RPL3L: variants seen among roughly 807,000 people sequenced by gnomAD.
RPL3L encodes the protein ribosomal protein L3 like.
RPL3L carries 44 observed loss-of-function variants against 44.5 expected under a neutral mutation model. That is an observed-to-expected ratio of 0.99 (90% CI 0.78 to 1.27). RPL3L has a LOEUF of 1.27. Ranked by LOEUF, RPL3L falls within the 50% of genes most tolerant of loss-of-function variation. The pLI, the probability that RPL3L is intolerant of heterozygous loss-of-function variation, is 0.00. For missense variants in RPL3L, 631 were observed against 569.1 expected, an observed-to-expected ratio of 1.11 and a Z score of -1.11; for synonymous variants, 292 against 230.7, an observed-to-expected ratio of 1.27 and a Z score of -2.41.
intron 3 of RPL3L, 62 bp downstream of exon 3, chr16:1,952,812 C>T (rs1346511364): frequency 2.5e-6 from 4 of 1,590,042 alleles, no homozygotes; most frequent in Non-Finnish European, 3.4e-6. Context: ...GCTAGAGCCT[C>T]AGGCACCCAA....
At chr16:1,954,567 T>G in intron 1 of RPL3L, 62 bp downstream of exon 1, 2 of 1,506,142 alleles carry the variant, frequency 1.3e-6, no homozygotes, top group Non-Finnish European at 1.8e-6. Context: ...GAAGCCCAGC[T>G]GTCCCACCCC....
At position 1,954,098 on chromosome 16, in the gene RPL3L, G is replaced by C. The variant is rs750540098; in HGVS notation, c.54C>G (p.Pro18=). 2.5e-6 allele frequency: 4 copies of C among 1,602,704 alleles called. No individual in the cohort carries two copies. In the South Asian group the frequency reaches 3.4e-5, roughly 13 times the overall value. The change falls in exon 2 of 10, where the codon CCC becomes CCG. Residue 18 remains proline, a synonymous_variant. Transcript: ENST00000268661. The part of the protein sequence containing the change: ...APRHGHLGFL[P]HKRSHRHRGK... ...CCCGGTGCCGGTGGCTCCTCTTATG[G>C]GGCAGGAAGCCCAGGTGTCCGTGCC... is the stretch of plus-strand genomic sequence containing the variant.
At chr16:1,952,483 C>T (rs2083177277) in intron 3 of RPL3L, among the ~76,000 whole-genome samples, 1 of 152,152 alleles carries the variant, frequency 6.6e-6, no homozygotes, top group African/African-American at 2.4e-5. Flanking sequence ...TCAAGTGATT[C>T]TCCCACCTCA....
chr16:1,949,009 C>CTTTTTTTTTTTTT (rs34900670), intron 4 of RPL3L, among the ~76,000 whole-genome samples: 70 of 124,626 alleles, frequency 5.6e-4, no homozygotes, highest in African/African-American at 1.9e-3. Flanking sequence ...CCGCGCCTGG[C>CTTTTTTTTTTTTT]TTTTTTTTTT....
At chr16:1,953,829 T>TC (rs1157592981) in intron 2 of RPL3L, 127 bp downstream of exon 2, 49 of 1,017,994 alleles carry the variant, frequency 4.8e-5, no homozygotes, top group Admixed American at 7.8e-5. Context: ...CCACCCCAAT[T>TC]CCCGGGGGCG....
chr16:1,953,387 T>C (rs940023873), intron 2 of RPL3L, among the ~76,000 whole-genome samples: 18 of 152,088 alleles, frequency 1.2e-4, no homozygotes, highest in African/African-American at 3.6e-4. Context: ...GCCCAGCTAA[T>C]TTTTGTATTT....
At chr16:1,949,959 AGGGGCAGGTATGGAC>A (rs2083159434) in intron 4 of RPL3L, among the ~76,000 whole-genome samples, 3 of 21,624 alleles carry the variant, frequency 1.4e-4, no homozygotes, top group Non-Finnish European at 2.5e-4. Flanking sequence ...CAGGTATGTA[AGGGGCAGGTATGGAC>A]GGGGCAGGTA....
chr16:1,952,664 G>GCA (rs2083178129), intron 3 of RPL3L, among the ~76,000 whole-genome samples: 2 of 152,026 alleles, frequency 1.3e-5, no homozygotes, highest in African/African-American at 4.8e-5. Context: ...GCGTGAGCCA[G>GCA]CACGCCCAGC....
chr16:1,953,997 C>T lies in RPL3L; in HGVS notation c.155G>A (p.Gly52Asp). Residue 52 changes from glycine to aspartate, a missense_variant, in exon 2 of 10, where the codon GGC becomes GAC. Gly to Asp is a moderately conservative substitution (Grantham distance 94). Coordinates refer to ENST00000268661, the MANE Select transcript of RPL3L (RefSeq NM_005061.3). The part of the protein sequence containing the change: ...HLTAFLGYKA[G>D]MTHTLREVHR... Reference sequence around the variant, plus strand: ...CACCTCCCGCAGGGTGTGGGTCATGCCCGCCTTGTAGCCCAGGAAGGCCGT... The same window carrying T: ...CACCTCCCGCAGGGTGTGGGTCATGTCCGCCTTGTAGCCCAGGAAGGCCGT... 1 of 1,596,670 alleles carries T rather than the reference C, an allele frequency of 6.3e-7. No individual in the cohort carries two copies. Among genetic ancestry groups the T allele is most frequent in the Non-Finnish European group, 8.5e-7 (1 of 1,170,128 alleles).
intron 2 of RPL3L, 75 bp from the exon 3 acceptor site, chr16:1,953,117 A>C (rs2083183406): frequency 6.7e-7 from 1 of 1,486,294 alleles, no homozygotes; most frequent in African/African-American, 1.4e-5. Context: ...AGAGCCGCCC[A>C]CATAGGGGCA....
chr16:1,954,467 C>A (rs1413606430), intron 1 of RPL3L, among the ~76,000 whole-genome samples, 162 bp downstream of exon 1: 2 of 151,990 alleles, frequency 1.3e-5, no homozygotes, highest in Non-Finnish European at 2.9e-5. Context: ...CCCTCCCAGG[C>A]CCAGGAGCCC....
rs1231504719 is a variant in RPL3L, at chr16:1,953,954, AC to A, written c.196+1del. 2 of 1,517,300 alleles carry A rather than the reference AC, an allele frequency of 1.3e-6. No homozygotes were observed. The allele number at this position is 1,517,300 out of a possible 1,614,324, so 94.0% of individuals were successfully genotyped here. On this transcript the variant is annotated splice_donor_variant, in intron 2 of 9. Transcript: ENST00000268661. LOFTEE classifies it high-confidence loss of function. Reference sequence around the variant, plus strand: ...CCCCCAAGGGTCCCAACTGTGACTCACTGAGCCCCGGCCGGTGCACCTCCCG... The same window carrying A: ...CCCCCAAGGGTCCCAACTGTGACTCATGAGCCCCGGCCGGTGCACCTCCCG...
chr16:1,945,196 A>T (rs567302829), intron 9 of RPL3L, among the ~76,000 whole-genome samples: 2 of 152,124 alleles, frequency 1.3e-5, no homozygotes, highest in East Asian at 1.9e-4. Flanking sequence ...CCTACTAAAA[A>T]TACAGAAAAT....
At position 1,952,966 on chromosome 16, in the gene RPL3L, G is replaced by C; in HGVS notation, c.273C>G (p.Gly91=). The stretch of plus-strand genomic sequence containing the variant: ...GGAGACCTCGAGGGGTGGCCACGTA[G>C]CCCACCACGCCCACCACCACTAGGG... ...TPPLVVVGVV[G]YVATPRGLRS... is the part of the protein sequence containing the mutation. The change falls in exon 3 of 10, where the codon GGC becomes GGG. Residue 91 remains glycine, a synonymous_variant. Coordinates refer to ENST00000268661, the MANE Select transcript of RPL3L (RefSeq NM_005061.3). The C allele has an allele frequency of 1.2e-6, 2 of 1,613,088 alleles. No individual in the cohort carries two copies. Among genetic ancestry groups the C allele is most frequent in the South Asian group, 1.1e-5 (1 of 91,000 alleles).
Position 1,954,140 on chromosome 16 carries a change from C to G in RPL3L, c.12G>C (p.Arg4=). The G allele has an allele frequency of 6.3e-7, 1 of 1,582,228 alleles. No homozygotes were observed. The highest frequency in any genetic ancestry group is 1.2e-5 in the South Asian group (1 of 86,470). Residue 4 remains arginine, a synonymous_variant, in exon 2 of 10, where the codon CGG becomes CGC. Coordinates refer to ENST00000268661, the MANE Select transcript of RPL3L (RefSeq NM_005061.3). The part of the protein sequence containing the change: MSH[R]KFSAPRHGHL... ...GTCCGTGCCGAGGGGCGGAAAACTTCCGGTGGGACTGGGGGGCAGGAAGGA... is the reference window on the plus strand; with the variant it reads ...GTCCGTGCCGAGGGGCGGAAAACTTGCGGTGGGACTGGGGGGCAGGAAGGA...
chr16:1,954,196 T>C, intron 1 of RPL3L, 48 bp from the exon 2 acceptor site: 1 of 1,479,212 alleles, frequency 6.8e-7, no homozygotes, highest in Non-Finnish European at 9.1e-7. Context: ...TCCCTGGTGG[T>C]AGAGCTGGAT....
rs35978219 is a variant in RPL3L, at chr16:1,945,370, TA to T, written c.1167+128del. On this transcript the variant is annotated intron_variant, in intron 9 of 9. Coordinates refer to ENST00000268661, the MANE Select transcript of RPL3L (RefSeq NM_005061.3). ...ACTCCATCTCAAAAAATAAAATAAATAAAAAAAAAAGAGTCTCTCCTGCAGT... is the reference window on the plus strand; with the variant it reads ...ACTCCATCTCAAAAAATAAAATAAATAAAAAAAAAGAGTCTCTCCTGCAGT... 1,856 of 734,718 alleles carry T rather than the reference TA, an allele frequency of 2.5e-3. 4 individuals carry two copies. Among genetic ancestry groups the T allele is most frequent in the Non-Finnish European group, 2.9e-3 (1,541 of 530,438 alleles). The allele number at this position is 734,718 out of a possible 1,614,324, so 45.5% of individuals were successfully genotyped here.
chr16:1,949,728 T>C (rs1220400465), intron 4 of RPL3L, among the ~76,000 whole-genome samples: 1 of 44,502 alleles, frequency 2.2e-5, no homozygotes. Context: ...GACGGGGCAG[T>C]ATGTACGGGG....
Position 1,945,581 on chromosome 16 carries a change from T to C in RPL3L, c.1085A>G (p.Asn362Ser). 1.2e-6 allele frequency: 2 copies of C among 1,613,840 alleles called. No homozygotes were observed. The highest frequency in any genetic ancestry group is 1.7e-6 in the Non-Finnish European group (2 of 1,179,932). Residue 362 changes from asparagine to serine, a missense_variant, in exon 9 of 10, where the codon AAT (asparagine) becomes AGT (serine). Coordinates refer to ENST00000268661, the MANE Select transcript of RPL3L (RefSeq NM_005061.3). ...LVHHSRQAVE[N>S]IELKFIDTTS... ...GGTGTCAATGAACTTGAGCTCAATA[T>C]TCTCCACGGCTTGGCGACTGTGATG... is the stretch of plus-strand genomic sequence containing the variant.
Sources: allele counts gnomAD v4.1 joint callset (sites outside exome capture counted in the v4.1 genomes callset), GRCh38; gene constraint gnomAD v4.1.1; transcripts MANE v1.5; gene names NCBI Gene and HGNC (gene_info 2026-07-23, HGNC 2026-07-21).